MAGI2: variants seen among roughly 807,000 people sequenced by gnomAD.
MAGI2 encodes the protein membrane associated guanylate kinase, WW and PDZ domain containing 2, also known as membrane-associated guanylate kinase, WW and PDZ domain-containing protein 2.
MAGI2 carries 35 observed loss-of-function variants against 133.3 expected under a neutral mutation model. The observed-to-expected ratio is 0.26, with a 90% CI of 0.20 to 0.35. The LOEUF is 0.35. Ranked by LOEUF, MAGI2 falls within the 10% of genes least tolerant of loss-of-function variation. The pLI, the probability that MAGI2 is intolerant of heterozygous loss-of-function variation, is 1.00. For synonymous variants in MAGI2, 729 were observed against 710.6 expected, an observed-to-expected ratio of 1.03 and a Z score of -0.41; for missense variants, 1,636 against 1,863.4, an observed-to-expected ratio of 0.88 and a Z score of 2.25.
intron 1 of MAGI2, among the ~76,000 whole-genome samples, chr7:79,091,225 C>T (rs1817020692): frequency 6.6e-6 from 1 of 151,908 alleles, no homozygotes; most frequent in Admixed American, 6.6e-5. Context: ...AAGTAAATTC[C>T]TCTTGAAGCT....
intron 1 of MAGI2, among the ~76,000 whole-genome samples, chr7:79,126,119 TA>T (rs1366372036): frequency 2.0e-5 from 3 of 152,244 alleles, no homozygotes; most frequent in Non-Finnish European, 4.4e-5. Context: ...AGTTGATTGC[TA>T]AACATAATAG....
chr7:78,530,595 T>C (rs1013237076), intron 3 of MAGI2, among the ~76,000 whole-genome samples: 1 of 152,180 alleles, frequency 6.6e-6, no homozygotes, highest in East Asian at 1.9e-4. Context: ...ACAATACTCA[T>C]AGTTATCCTT....
At chr7:79,203,912 C>A (rs553439085) in intron 1 of MAGI2, among the ~76,000 whole-genome samples, 1 of 152,144 alleles carries the variant, frequency 6.6e-6, no homozygotes, top group African/African-American at 2.4e-5. Context: ...ATTTGAACAA[C>A]AATCCATGCA....
chr7:78,238,030 C>T (rs898426265), intron 10 of MAGI2, among the ~76,000 whole-genome samples: 6 of 152,164 alleles, frequency 3.9e-5, no homozygotes, highest in East Asian at 3.9e-4. Context: ...CACAACTGCT[C>T]ACACCTTCCA....
chr7:78,451,614 C>T (rs907215819), intron 6 of MAGI2, among the ~76,000 whole-genome samples: 5 of 152,154 alleles, frequency 3.3e-5, no homozygotes, highest in South Asian at 4.1e-4. Context: ...TTACCTATGC[C>T]TCAGTTTCCC....
chr7:79,191,402 C>CTTTTTTTTTTTTTTTTTTTTTT lies in MAGI2; in HGVS notation c.302-184218_302-184197dup, dbSNP rs71095386. Among the ~76,000 whole-genome samples the CTTTTTTTTTTTTTTTTTTTTTT allele has an allele frequency of 1.2e-3, 26 of 22,332 alleles. 3 individuals carry two copies. The highest frequency in any genetic ancestry group is 1.5e-3 in the East Asian group (1 of 656). The allele number at this position is 22,332 out of a possible 152,430, so 14.7% of individuals were successfully genotyped here. ...TCTTTTTTTCTTTTTCTTTTTCTTT[C>CTTTTTTTTTTTTTTTTTTTTTT]TTTTTTTTTTTTTTTTTTTTTTTTT... On this transcript the variant is annotated intron_variant, in intron 1 of 21. Coordinates refer to ENST00000354212, the MANE Select transcript of MAGI2 (RefSeq NM_012301.4).
intron 1 of MAGI2, among the ~76,000 whole-genome samples, chr7:79,329,619 T>A (rs1839923472): frequency 6.6e-6 from 1 of 152,210 alleles, no homozygotes; most frequent in African/African-American, 2.4e-5. Flanking sequence ...GTTTTAATAC[T>A]GGCAATATAA....
At chr7:78,704,422 G>T (rs900140856) in intron 2 of MAGI2, among the ~76,000 whole-genome samples, 3 of 152,120 alleles carry the variant, frequency 2.0e-5, no homozygotes, top group Middle Eastern at 3.4e-3. Context: ...AAAATAACAC[G>T]CTAGTGAAGT....
chr7:78,734,917 T>G (rs1179433570), intron 2 of MAGI2, among the ~76,000 whole-genome samples: 2 of 152,126 alleles, frequency 1.3e-5, no homozygotes, highest in African/African-American at 4.8e-5. Context: ...GAGAAACAAA[T>G]GTTCTTTGTT....
chr7:78,590,225 C>T (rs936323158), intron 3 of MAGI2, among the ~76,000 whole-genome samples: 3 of 152,216 alleles, frequency 2.0e-5, no homozygotes, highest in African/African-American at 7.2e-5. Context: ...GCCATCCAAG[C>T]ACAAGTCACT....
intron 1 of MAGI2, among the ~76,000 whole-genome samples, chr7:79,246,616 G>A (rs1294056906): frequency 6.6e-6 from 1 of 151,306 alleles, no homozygotes; most frequent in Non-Finnish European, 1.5e-5. Context: ...GGAGATAAAG[G>A]AAAAAAGAAT....
intron 14 of MAGI2, among the ~76,000 whole-genome samples, chr7:78,173,266 G>C (rs1424159802): frequency 1.3e-5 from 2 of 152,224 alleles, no homozygotes; most frequent in Non-Finnish European, 2.9e-5. Context: ...TCACGCATCT[G>C]AGCTTCATTT....
At chr7:79,319,087 T>C (rs1838973796) in intron 1 of MAGI2, among the ~76,000 whole-genome samples, 1 of 152,156 alleles carries the variant, frequency 6.6e-6, no homozygotes, top group Non-Finnish European at 1.5e-5. Context: ...CTGCAGTCAA[T>C]CTCTGATTTT....
In MAGI2 at chr7:78,537,813, ATTT is replaced by A. The variant is rs1001688907; in HGVS notation, c.539-16171_539-16169del. Among the ~76,000 whole-genome samples the A allele has an allele frequency of 3.3e-3, 11 of 3,360 alleles. No individual in the cohort carries two copies. In the African/African-American group the frequency reaches 0.039, roughly 12 times the overall value. 2.2% of individuals were successfully genotyped at this position (3,360 alleles called of 152,430 possible). On this transcript the variant is annotated intron_variant, in intron 3 of 21. Transcript: ENST00000354212. Reference sequence around the variant, plus strand: ...TATGAATTGTCTGTCTACTCTGCTGATTTTTATTTTGCTGTGTAGAAGCTTTTT... The same window carrying A: ...TATGAATTGTCTGTCTACTCTGCTGATTATTTTGCTGTGTAGAAGCTTTTT...
chr7:79,432,129 AT>A (rs1847819411), intron 1 of MAGI2, among the ~76,000 whole-genome samples: 1 of 152,228 alleles, frequency 6.6e-6, no homozygotes, highest in South Asian at 2.1e-4. Flanking sequence ...TACTAATCAT[AT>A]CCCTGGTCAA....
At chr7:78,326,260 T>C (rs997484908) in intron 9 of MAGI2, among the ~76,000 whole-genome samples, 1 of 152,248 alleles carries the variant, frequency 6.6e-6, no homozygotes, top group Non-Finnish European at 1.5e-5. Flanking sequence ...TCTCTGAACC[T>C]GGATTGCCTA....
intron 1 of MAGI2, among the ~76,000 whole-genome samples, chr7:79,406,329 G>A (rs17152446): frequency 0.052 from 7,984 of 152,100 alleles, 390 homozygotes; most frequent in East Asian, 0.18. Flanking sequence ...TGCGGGTGAA[G>A]TGTTAATTTT....
At chr7:79,129,889 C>T (rs1328882398) in intron 1 of MAGI2, among the ~76,000 whole-genome samples, 1 of 152,178 alleles carries the variant, frequency 6.6e-6, no homozygotes, top group Non-Finnish European at 1.5e-5. Flanking sequence ...TCTTGTAAAA[C>T]ATCACTGGGC....
intron 2 of MAGI2, among the ~76,000 whole-genome samples, chr7:78,705,192 T>C (rs58597335): frequency 0.094 from 14,236 of 152,012 alleles, 925 homozygotes; most frequent in African/African-American, 0.16. Context: ...TGGGAGATGA[T>C]TGGATCATGA....
Sources: allele counts gnomAD v4.1 joint callset (sites outside exome capture counted in the v4.1 genomes callset), GRCh38; gene constraint gnomAD v4.1.1; transcripts MANE v1.5; gene names NCBI Gene and HGNC (gene_info 2026-07-23, HGNC 2026-07-21).